TMEM43: variants seen among roughly 807,000 people sequenced by gnomAD.
TMEM43 encodes arrhythmogenic right ventricular dysplasia 5.
In TMEM43, 45 loss-of-function variants were observed where a neutral mutation model predicts 49.6. That is an observed-to-expected ratio of 0.91 (90% CI 0.71 to 1.16). TMEM43 has a LOEUF of 1.16. TMEM43 is among the 50% of genes most tolerant of loss of function. The pLI, the probability that TMEM43 is intolerant of heterozygous loss-of-function variation, is 0.00. For missense variants in TMEM43, 532 were observed against 516.6 expected, an observed-to-expected ratio of 1.03 and a Z score of -0.29; for synonymous variants, 199 against 207.8, an observed-to-expected ratio of 0.96 and a Z score of 0.36.
In TMEM43 at chr3:14,132,885, AATC is replaced by A. The variant is rs1574938257; in HGVS notation, c.467_469del (p.Ile156del). 1 of 1,614,084 alleles carries A rather than the reference AATC, an allele frequency of 6.2e-7. No individual in the cohort carries two copies. Among genetic ancestry groups the A allele is most frequent in the Non-Finnish European group, 8.5e-7 (1 of 1,179,990 alleles). On this transcript the variant is annotated inframe_deletion, in exon 6 of 12. Transcript: ENST00000306077. ...GAGCAGACACTGAATGGAGGTCAGAAATCATCAACAGCAAAAACTTCGACCGAG... is the reference window on the plus strand; with the variant it reads ...GAGCAGACACTGAATGGAGGTCAGAAATCAACAGCAAAAACTTCGACCGAG...
chr3:14,134,135 G>A (rs1008008292), intron 7 of TMEM43, among the ~76,000 whole-genome samples: 1 of 152,206 alleles, frequency 6.6e-6, no homozygotes, highest in African/African-American at 2.4e-5. Context: ...GCAGACTCCG[G>A]CTAGTAGTAG....
At chr3:14,132,464 T>A in intron 4 of TMEM43, 82 bp from the exon 5 acceptor site, 1 of 1,488,280 alleles carries the variant, frequency 6.7e-7, no homozygotes. Flanking sequence ...AGCCCTGAGG[T>A]TGCTTCCTGC....
chr3:14,135,289 A>G, intron 9 of TMEM43, 57 bp downstream of exon 9: 1 of 1,443,168 alleles, frequency 6.9e-7, no homozygotes, highest in Non-Finnish European at 9.7e-7. Flanking sequence ...TTTCCTGGAC[A>G]CAGACACCTT....
rs762416376 is a variant in TMEM43, at chr3:14,130,987, G to A, written c.297+31G>A. On this transcript the variant is annotated intron_variant, in intron 3 of 11. Coordinates refer to ENST00000306077, the MANE Select transcript of TMEM43 (RefSeq NM_024334.3). ...TTTGGCAGGGGATGCTGACCTGCCA[G>A]TGGCTCGGGGCTCATCCTGGATGTT... 32 of 1,598,008 alleles carry A rather than the reference G, an allele frequency of 2.0e-5. No homozygotes were observed. The Middle Eastern group carries it at 5.0e-4, about 25-fold the overall frequency.
At chr3:14,134,934 C>T (rs772262930) in intron 8 of TMEM43, 43 bp downstream of exon 8, 31 of 1,613,338 alleles carry the variant, frequency 1.9e-5, no homozygotes, top group South Asian at 1.6e-4. Flanking sequence ...AGGGTCAGGG[C>T]GCTAGGATCA....
chr3:14,137,782 T>C (rs964619912), intron 10 of TMEM43: 1 of 152,268 alleles, frequency 6.6e-6, no homozygotes, highest in Non-Finnish European at 1.5e-5. Flanking sequence ...AATAGTCACA[T>C]CATCCCTAAC....
intron 11 of TMEM43, among the ~76,000 whole-genome samples, chr3:14,140,011 C>CA (rs542013611): frequency 1.1e-4 from 16 of 152,202 alleles, no homozygotes; most frequent in Non-Finnish European, 1.6e-4. Flanking sequence ...CTTCCAGTCA[C>CA]ATGATTGCAT....
At position 14,134,830 on chromosome 3, in the gene TMEM43, A is replaced by C. The variant is rs730880225; in HGVS notation, c.644A>C (p.His215Pro). The C allele has an allele frequency of 4.3e-6, 7 of 1,614,068 alleles. No homozygotes were observed. The Admixed American group carries it at 5.0e-5, about 12-fold the overall frequency. ...AGCCTATCCAAGCTGGAGGACCCTC[A>C]TGTGGACATCATTCGCCGTGGAGAC... ...SLSLSKLEDP[H>P]VDIIRRGDFF... is the part of the protein sequence containing the mutation. The change falls in exon 8 of 12, where the codon CAT becomes CCT. Residue 215 changes from histidine to proline, a missense_variant. By Grantham distance (77) the His-to-Pro change is moderately conservative. Coordinates refer to ENST00000306077, the MANE Select transcript of TMEM43 (RefSeq NM_024334.3).
intron 1 of TMEM43, among the ~76,000 whole-genome samples, chr3:14,127,110 G>A (rs980538052): frequency 1.3e-5 from 2 of 152,154 alleles, no homozygotes; most frequent in African/African-American, 4.8e-5. Flanking sequence ...ATGTGTCACT[G>A]GGGATGTCCG....
chr3:14,125,140 A>C lies in TMEM43; in HGVS notation c.-54A>C. On this transcript the variant is annotated 5_prime_UTR_variant, in exon 1 of 12. Coordinates refer to ENST00000306077, the MANE Select transcript of TMEM43 (RefSeq NM_024334.3). ...CGCTGGACACCACGCTCCAGTCGTC[A>C]GCCCACTTCCTAGCTGAACAGCGCG... 1 of 1,606,354 alleles carries C rather than the reference A, an allele frequency of 6.2e-7. No individual in the cohort carries two copies. The highest frequency in any genetic ancestry group is 8.5e-7 in the Non-Finnish European group (1 of 1,177,840).
In TMEM43 at chr3:14,142,670, T is replaced by A. The variant is rs1695267440; in HGVS notation, c.*875T>A. 1 of 152,668 alleles carries A rather than the reference T, an allele frequency of 6.6e-6. No individual in the cohort carries two copies. The highest frequency in any genetic ancestry group is 2.4e-5 in the African/African-American group (1 of 41,458). 9.5% of individuals were successfully genotyped at this position (152,668 alleles called of 1,614,324 possible). ...GTTAAATTGGGGTATGTGGTTTGAT[T>A]GATAAAAAGTTACCTCTCAGTATTT... On this transcript the variant is annotated 3_prime_UTR_variant, in exon 12 of 12. Coordinates refer to ENST00000306077, the MANE Select transcript of TMEM43 (RefSeq NM_024334.3).
intron 3 of TMEM43, among the ~76,000 whole-genome samples, 155 bp downstream of exon 3, chr3:14,131,111 T>C (rs1695089888): frequency 6.6e-6 from 1 of 152,198 alleles, no homozygotes; most frequent in Admixed American, 6.5e-5. Flanking sequence ...TTGTCTATCC[T>C]GAGTCTCAGT....
intron 4 of TMEM43, 112 bp from the exon 5 acceptor site, chr3:14,132,433 AT>A (rs1398623501): frequency 9.3e-7 from 1 of 1,075,094 alleles, no homozygotes. Flanking sequence ...CATCTGCCGT[AT>A]CTGGGGAGTC....
At chr3:14,129,930 A>C (rs1030407374) in intron 2 of TMEM43, among the ~76,000 whole-genome samples, 5 of 152,146 alleles carry the variant, frequency 3.3e-5, no homozygotes. Flanking sequence ...TGGCCCCAGC[A>C]ACTGGCCTAC....
rs1299609465 is a variant in TMEM43 at position 14,125,061 on chromosome 3, C to T, written c.-133C>T. On this transcript the variant is annotated 5_prime_UTR_variant, in exon 1 of 12. Coordinates refer to ENST00000306077, the MANE Select transcript of TMEM43 (RefSeq NM_024334.3). The stretch of plus-strand genomic sequence containing the variant: ...ACAGGGGGAGGTAACTGCAGTAAGT[C>T]CCGCTTGGCCCTGGAGTCCACGCGG... 4 of 1,188,646 alleles carry T rather than the reference C, an allele frequency of 3.4e-6. No individual in the cohort carries two copies. The African/African-American group carries it at 4.5e-5, about 13-fold the overall frequency. 73.6% of individuals were successfully genotyped at this position (1,188,646 alleles called of 1,614,324 possible).
chr3:14,139,409 C>A, intron 11 of TMEM43, 112 bp downstream of exon 11: 1 of 817,794 alleles, frequency 1.2e-6, no homozygotes, highest in Admixed American at 1.8e-5. Flanking sequence ...TGTGCAGATA[C>A]CAGGCATTTG....
chr3:14,137,635 A>G (rs542365086), intron 10 of TMEM43, among the ~76,000 whole-genome samples: 1 of 152,334 alleles, frequency 6.6e-6, no homozygotes, highest in South Asian at 2.1e-4. Context: ...CAGGGGCAGG[A>G]GAGTACAGCT....
In TMEM43 at chr3:14,130,695, A is replaced by G. The variant is rs189624671; in HGVS notation, c.163-127A>G. On this transcript the variant is annotated intron_variant, in intron 2 of 11. Transcript: ENST00000306077. ...CCACTTGCTAGACCTCAGTTTTCCA[A>G]CTGTACGGTGGGGAGATGGGTCTCA... The G allele has an allele frequency of 4.4e-5, 56 of 1,273,532 alleles. No homozygotes were observed. In the Admixed American group the frequency reaches 7.5e-4, roughly 17 times the overall value. 78.9% of individuals were successfully genotyped at this position (1,273,532 alleles called of 1,614,324 possible). A position where few individuals can be genotyped will look rare whatever the true frequency, so the allele number is the denominator to read the frequency against.
In TMEM43 at chr3:14,125,199, C is replaced by G; in HGVS notation, c.6C>G (p.Ala2=). M[A]ANYSSTSTRR... is the part of the protein sequence containing the mutation. ...GCAGCGAGCCGGGTCCCACCATGGC[C>G]GCGAATGTGAGTATCCCCGGGCCAG... Residue 2 remains alanine, a synonymous_variant, in exon 1 of 12, where the codon GCC becomes GCG. Transcript: ENST00000306077. The G allele has an allele frequency of 6.2e-7, 1 of 1,610,202 alleles. No individual in the cohort carries two copies. The highest frequency in any genetic ancestry group is 8.5e-7 in the Non-Finnish European group (1 of 1,179,158).
Sources: gnomAD v4.1 joint callset for allele counts (sites outside exome capture counted in the v4.1 genomes callset) on GRCh38, gnomAD v4.1.1 for gene constraint, MANE v1.5 for transcripts, NCBI Gene and HGNC (gene_info 2026-07-23, HGNC 2026-07-21) for gene names.